PPARG: variants seen among roughly 807,000 people sequenced by gnomAD.
The protein encoded by PPARG is peroxisome proliferator activated receptor gamma.
In PPARG, 17 loss-of-function variants were observed where a neutral mutation model predicts 39.2. The observed-to-expected ratio is 0.43, with a 90% CI of 0.30 to 0.65. The LOEUF (loss-of-function observed/expected upper bound fraction) is 0.65. Among genes scored for constraint, PPARG ranks in the 30% least tolerant of loss-of-function variants. The pLI is 0.13. For missense variants in PPARG, 406 were observed against 585.9 expected, an observed-to-expected ratio of 0.69 and a Z score of 3.17; for synonymous variants, 223 against 215.7, an observed-to-expected ratio of 1.03 and a Z score of -0.30.
At position 12,382,268 on chromosome 3, in the gene PPARG, T is replaced by C. The variant is rs139223998; in HGVS notation, c.390+777T>C. Among the ~76,000 whole-genome samples the C allele has an allele frequency of 4.4e-3, 673 of 152,304 alleles. 4 individuals carry two copies. Among genetic ancestry groups the C allele is most frequent in the Non-Finnish European group, 7.1e-3 (482 of 68,022 alleles). On this transcript the variant is annotated intron_variant, in intron 4 of 7. Transcript: ENST00000651735. ...GAGATACTATTTATCCTCATCTCTT[T>C]CCTTTGTGAAAAGGGTATTTTGGAA...
rs2047217805 is a variant in PPARG at position 12,310,816 on chromosome 3, A to AC, written c.-82-1564_-82-1563insC. 3.4e-5 allele frequency among the ~76,000 whole-genome samples: 5 copies of AC among 147,918 alleles called. No homozygotes were observed. The South Asian group carries it at 8.5e-4, about 25-fold the overall frequency. On this transcript the variant is annotated intron_variant, in intron 1 of 7. Coordinates refer to ENST00000651735, the MANE Select transcript of PPARG (RefSeq NM_138711.6). ...TAAAAAAAAAAAAAAAAAAAAAAAA[A>AC]AAAAAAAACCCAAGTGGTAATCTGT...
chr3:12,329,221 C>T (rs1346136751), intron 2 of PPARG, among the ~76,000 whole-genome samples: 1 of 150,754 alleles, frequency 6.6e-6, no homozygotes, highest in Non-Finnish European at 1.5e-5. Flanking sequence ...ACTTTTCTCT[C>T]CTTGATTCTG....
intron 7 of PPARG, among the ~76,000 whole-genome samples, chr3:12,417,446 T>G (rs1029289830): frequency 1.1e-4 from 17 of 152,332 alleles, no homozygotes; most frequent in African/African-American, 4.1e-4. Flanking sequence ...TCTTTGTCTC[T>G]TTCTTTTCCT....
At chr3:12,335,216 T>TC in intron 2 of PPARG, among the ~76,000 whole-genome samples, 1 of 152,312 alleles carries the variant, frequency 6.6e-6, no homozygotes. Context: ...TTGCCTTAGG[T>TC]GGTGTTTACA....
intron 6 of PPARG, among the ~76,000 whole-genome samples, chr3:12,411,939 C>G (rs1426123634): frequency 1.3e-5 from 2 of 152,120 alleles, no homozygotes; most frequent in Non-Finnish European, 2.9e-5. Flanking sequence ...CAGTGTCTTT[C>G]CCTGGTAAAA....
intron 2 of PPARG, among the ~76,000 whole-genome samples, chr3:12,348,936 C>G (rs566220152): frequency 1.3e-5 from 2 of 152,250 alleles, no homozygotes; most frequent in South Asian, 4.1e-4. Flanking sequence ...GGGCAGGACA[C>G]TGGGGGAATC....
chr3:12,309,142 A>G (rs922715287), intron 1 of PPARG, among the ~76,000 whole-genome samples: 1 of 152,228 alleles, frequency 6.6e-6, no homozygotes, highest in African/African-American at 2.4e-5. Context: ...CAAGTTATCT[A>G]TAGAATACAT....
At chr3:12,409,558 G>A (rs947359847) in intron 6 of PPARG, among the ~76,000 whole-genome samples, 5 of 152,150 alleles carry the variant, frequency 3.3e-5, no homozygotes, top group Admixed American at 2.0e-4. Context: ...GTTAAGATTT[G>A]CATTGATAGG....
At chr3:12,380,072 C>G in intron 3 of PPARG, 141 bp downstream of exon 3, 3 of 857,744 alleles carry the variant, frequency 3.5e-6, no homozygotes, top group Non-Finnish European at 5.7e-6. Context: ...CCCATTTATC[C>G]ATGAAATATT....
At position 12,416,811 on chromosome 3, in the gene PPARG, C is replaced by A. The variant is rs370846594; in HGVS notation, c.837C>A (p.Ile279=). The A allele has an allele frequency of 6.2e-6, 10 of 1,614,048 alleles. No homozygotes were observed. The African/African-American group carries it at 1.3e-4, about 22-fold the overall frequency. ...AGAGCAAAGAGGTGGCCATCCGCAT[C>A]TTTCAGGGCTGCCAGTTTCGCTCCG... ...QEQSKEVAIR[I]FQGCQFRSVE... is the part of the protein sequence containing the mutation. Residue 279 remains isoleucine (I), a synonymous_variant, in exon 7 of 8, where the codon ATC becomes ATA. Coordinates refer to ENST00000651735, the MANE Select transcript of PPARG (RefSeq NM_138711.6).
intron 5 of PPARG, chr3:12,399,238 AG>A: frequency 2.5e-6 from 1 of 399,746 alleles, no homozygotes; most frequent in Admixed American, 3.1e-5. Context: ...CATTTTTGAA[AG>A]AAACCTAAGA....
chr3:12,347,982 C>T (rs1293161502), intron 2 of PPARG, among the ~76,000 whole-genome samples: 2 of 152,114 alleles, frequency 1.3e-5, no homozygotes, highest in Non-Finnish European at 2.9e-5. Flanking sequence ...GAAAAAAATA[C>T]TGTACATACA....
intron 6 of PPARG, among the ~76,000 whole-genome samples, chr3:12,409,322 A>G (rs893152073): frequency 1.3e-5 from 2 of 152,188 alleles, no homozygotes; most frequent in Admixed American, 6.5e-5. Flanking sequence ...ACACAAAACT[A>G]AACTACAATT....
At position 12,372,185 on chromosome 3, in the gene PPARG, C is replaced by T. The variant is rs1266898709; in HGVS notation, c.-8-7519C>T. 1.3e-5 allele frequency: 9 copies of T among 716,956 alleles called. 1 individual carries two copies. The highest frequency in any genetic ancestry group is 8.7e-5 in the African/African-American group (5 of 57,238). The allele number at this position is 716,956 out of a possible 1,614,324, so 44.4% of individuals were successfully genotyped here. A position where few individuals can be genotyped will look rare whatever the true frequency, so the allele number is the denominator to read the frequency against. On this transcript the variant is annotated intron_variant, in intron 2 of 7. Transcript: ENST00000651735. ...CATTTGAGAGTTACTCTTCATAGTA[C>T]ATCCCCTGCCCCCCTGCCTGCCTGG...
At chr3:12,382,088 G>T (rs927639018) in intron 4 of PPARG, among the ~76,000 whole-genome samples, 1 of 152,064 alleles carries the variant, frequency 6.6e-6, no homozygotes, top group African/African-American at 2.4e-5. Context: ...AGTAAAACTT[G>T]CCAAGGTCAT....
At position 12,434,333 on chromosome 3, in the gene PPARG, C is replaced by A; in HGVS notation, c.*188C>A. The A allele has an allele frequency of 2.6e-6, 2 of 776,810 alleles. No individual in the cohort carries two copies. Among genetic ancestry groups the A allele is most frequent in the Non-Finnish European group, 4.0e-6 (2 of 494,670 alleles). The allele number at this position is 776,810 out of a possible 1,614,324, so 48.1% of individuals were successfully genotyped here. A position where few individuals can be genotyped will look rare whatever the true frequency, so the allele number is the denominator to read the frequency against. On this transcript the variant is annotated 3_prime_UTR_variant, in exon 8 of 8. Coordinates refer to ENST00000651735, the MANE Select transcript of PPARG (RefSeq NM_138711.6). The surrounding 1 kb of genome is among the most constrained non-coding windows in gnomAD (Gnocchi z 4.2). ...ATTTACTTTTAATATTAAAAATTACCATATTATGAAATTGCTGATAGTATT... is the reference window on the plus strand; with the variant it reads ...ATTTACTTTTAATATTAAAAATTACAATATTATGAAATTGCTGATAGTATT...
Position 12,424,536 on chromosome 3 carries a change from G to A in PPARG, c.1180+7382G>A, listed in dbSNP as rs556952313. On this transcript the variant is annotated intron_variant, in intron 7 of 7. Coordinates refer to ENST00000651735, the MANE Select transcript of PPARG (RefSeq NM_138711.6). ...TTATCATTTTGGGCTCTCACAATGT[G>A]TGTTTAAACTCTGAGTGACCCCAGG... 2.0e-3 allele frequency among the ~76,000 whole-genome samples: 300 copies of A among 152,176 alleles called. 1 individual carries two copies. The highest frequency in any genetic ancestry group is 3.7e-3 in the Non-Finnish European group (252 of 68,038).
chr3:12,425,363 G>T (rs1167804825), intron 7 of PPARG, among the ~76,000 whole-genome samples: 1 of 152,174 alleles, frequency 6.6e-6, no homozygotes, highest in Non-Finnish European at 1.5e-5. Context: ...GAGGACAGCG[G>T]GGGAGTGGAG....
chr3:12,288,381 G>T (rs545760273), upstream of PPARG, among the ~76,000 whole-genome samples: 1 of 151,784 alleles, frequency 6.6e-6, no homozygotes, highest in Non-Finnish European at 1.5e-5. Context: ...GTGCCGACTC[G>T]AGTGGACGCG....
Sources: allele counts gnomAD v4.1 joint callset (sites outside exome capture counted in the v4.1 genomes callset), GRCh38; gene constraint gnomAD v4.1.1; non-coding constraint Gnocchi (gnomAD v3.1); transcripts MANE v1.5; gene names NCBI Gene and HGNC (gene_info 2026-07-23, HGNC 2026-07-21).